The following MRPL42 variants were observed in gnomAD, a reference collection of about 807,000 sequenced individuals.
The protein encoded by MRPL42 is mitochondrial ribosomal protein L42.
A neutral mutation model predicts 17.9 loss-of-function variants in MRPL42; 17 were observed. That is an observed-to-expected ratio of 0.95 (90% CI 0.65 to 1.42). The LOEUF (loss-of-function observed/expected upper bound fraction) is 1.42, where lower values mean the gene tolerates loss of function less well. MRPL42 is among the 40% of genes most tolerant of loss of function. The pLI, the probability that MRPL42 is intolerant of heterozygous loss-of-function variation, is 0.00. For missense variants in MRPL42, 177 were observed against 175.2 expected, an observed-to-expected ratio of 1.01 and a Z score of -0.06; for synonymous variants, 59 against 54.4, an observed-to-expected ratio of 1.08 and a Z score of -0.37.
At position 93,507,063 on chromosome 12, in the gene MRPL42, A is replaced by G. The variant is rs1419422313; in HGVS notation, c.*5842A>G. 1 of 152,222 alleles carries G rather than the reference A, an allele frequency of 6.6e-6. No homozygotes were observed. The allele number at this position is 152,222 out of a possible 1,614,324, so 9.4% of individuals were successfully genotyped here. A position where few individuals can be genotyped will look rare whatever the true frequency, so the allele number is the denominator to read the frequency against. ...TAAACATTAAGGACATCTTATATGTATATTTATGCATATACATACTGATGA... is the reference window on the plus strand; with the variant it reads ...TAAACATTAAGGACATCTTATATGTGTATTTATGCATATACATACTGATGA... On this transcript the variant is annotated 3_prime_UTR_variant, in exon 6 of 6. Transcript: ENST00000549982.
chr12:93,469,070 A>G lies in MRPL42; in HGVS notation c.-94-122A>G, dbSNP rs552055019. 2.6e-4 allele frequency: 126 copies of G among 479,728 alleles called. 2 individuals are homozygous for G. The highest frequency in any genetic ancestry group is 2.4e-3 in the African/African-American group (119 of 49,636). The allele number at this position is 479,728 out of a possible 1,614,324, so 29.7% of individuals were successfully genotyped here. Reference sequence around the variant, plus strand: ...GTTGTTCAATCATGTGGAATTGCCAAGTTGTTTAAAAGCATTGCTTCAGTT... The same window carrying G: ...GTTGTTCAATCATGTGGAATTGCCAGGTTGTTTAAAAGCATTGCTTCAGTT... On this transcript the variant is annotated intron_variant, in intron 1 of 5. Transcript: ENST00000549982.
intron 4 of MRPL42, among the ~76,000 whole-genome samples, chr12:93,486,869 G>A (rs538236477): frequency 4.0e-5 from 6 of 150,052 alleles, no homozygotes; most frequent in African/African-American, 1.5e-4. Context: ...TCGCTGTGTT[G>A]CCCAGGCTGG....
intron 5 of MRPL42, chr12:93,487,971 CT>C (rs35810496): frequency 0.59 from 106,383 of 179,250 alleles, 28,775 homozygotes; most frequent in Non-Finnish European, 0.62. Flanking sequence ...TAATTTTGTT[CT>C]TTTTTTTTTT....
chr12:93,479,590 G>T, intron 4 of MRPL42, 118 bp downstream of exon 4: 5 of 494,134 alleles, frequency 1.0e-5, no homozygotes, highest in Non-Finnish European at 1.3e-5. Flanking sequence ...TTTTCTTTTG[G>T]CTTTTTAATT....
chr12:93,476,419 T>G (rs1179096118), intron 2 of MRPL42, among the ~76,000 whole-genome samples: 2 of 152,208 alleles, frequency 1.3e-5, no homozygotes, highest in African/African-American at 2.4e-5. Flanking sequence ...TCTGCCCACC[T>G]TGGCCTCCCA....
rs1292083283 is a variant in MRPL42 at position 93,501,109 on chromosome 12, G to T, written c.384-67G>T. 1.3e-5 allele frequency: 16 copies of T among 1,247,804 alleles called. No individual in the cohort carries two copies. In the East Asian group the frequency reaches 4.0e-4, roughly 31 times the overall value. 77.3% of individuals were successfully genotyped at this position (1,247,804 alleles called of 1,614,324 possible). On this transcript the variant is annotated intron_variant, in intron 5 of 5. Transcript: ENST00000549982. Reference sequence around the variant, plus strand: ...TTCCAATAGCAAAATAATCATAGAAGTTAGATTTTTATCAGGAATAATTTT... The same window carrying T: ...TTCCAATAGCAAAATAATCATAGAATTTAGATTTTTATCAGGAATAATTTT...
chr12:93,499,617 A>G (rs897800823), intron 5 of MRPL42, among the ~76,000 whole-genome samples: 1 of 152,134 alleles, frequency 6.6e-6, no homozygotes, highest in Non-Finnish European at 1.5e-5. Flanking sequence ...TTAGAAAAAA[A>G]CAGAATTTTC....
chr12:93,485,161 CTT>C (rs530566195), intron 4 of MRPL42, among the ~76,000 whole-genome samples: 43 of 130,852 alleles, frequency 3.3e-4, no homozygotes, highest in Admixed American at 5.5e-4. Flanking sequence ...CCCACATTGC[CTT>C]TTTTTTTTTT....
intron 2 of MRPL42, among the ~76,000 whole-genome samples, chr12:93,472,238 C>T (rs570686545): frequency 1.3e-5 from 2 of 152,276 alleles, no homozygotes; most frequent in South Asian, 4.1e-4. Context: ...TACTCAGTGA[C>T]CTAACTTCTT....
intron 5 of MRPL42, among the ~76,000 whole-genome samples, chr12:93,489,446 T>C (rs998761443): frequency 5.3e-5 from 8 of 152,300 alleles, no homozygotes; most frequent in African/African-American, 1.9e-4. Context: ...AGGAAAAATA[T>C]TGATTTTTTG....
intron 4 of MRPL42, among the ~76,000 whole-genome samples, chr12:93,485,027 T>TATATATAA (rs1396242113): frequency 1.1e-5 from 1 of 92,120 alleles, no homozygotes; most frequent in Non-Finnish European, 2.4e-5. Context: ...TATATATATA[T>TATATATAA]AAACAGAGAT....
chr12:93,491,628 T>G (rs11833074), intron 5 of MRPL42, among the ~76,000 whole-genome samples: 101,967 of 151,964 alleles, frequency 0.67, 34,449 homozygotes, highest in Middle Eastern at 0.72. Context: ...GGATTTTTTT[T>G]TTGTTGTTTT....
At position 93,514,014 on chromosome 12, in the gene MRPL42, C is replaced by A. The variant is rs552917484; in HGVS notation, c.*12793C>A. ...TACAGGTGCCCACCACCACACCCGG[C>A]TAATTTTTGTATTTTTAGTAGAGAC... On this transcript the variant is annotated 3_prime_UTR_variant, in exon 6 of 6. Transcript: ENST00000549982. 1 of 152,240 alleles carries A rather than the reference C, an allele frequency of 6.6e-6. No individual in the cohort carries two copies. The highest frequency in any genetic ancestry group is 2.1e-4 in the South Asian group (1 of 4,818). 9.4% of individuals were successfully genotyped at this position (152,240 alleles called of 1,614,324 possible).
At position 93,513,598 on chromosome 12, in the gene MRPL42, A is replaced by G. The variant is rs991071210; in HGVS notation, c.*12377A>G. ...TCTTCAGTTATAATTGAAGAATGACAAAAAGTTGAGTTATAGAAATTATAT... is the reference window on the plus strand; with the variant it reads ...TCTTCAGTTATAATTGAAGAATGACGAAAAGTTGAGTTATAGAAATTATAT... On this transcript the variant is annotated 3_prime_UTR_variant, in exon 6 of 6. Transcript: ENST00000549982. 6.6e-6 allele frequency: 1 copy of G among 152,200 alleles called. No individual in the cohort carries two copies. Among genetic ancestry groups the G allele is most frequent in the Non-Finnish European group, 1.5e-5 (1 of 68,028 alleles). 9.4% of individuals were successfully genotyped at this position (152,200 alleles called of 1,614,324 possible). A position where few individuals can be genotyped will look rare whatever the true frequency, so the allele number is the denominator to read the frequency against.
intron 5 of MRPL42, among the ~76,000 whole-genome samples, chr12:93,496,862 G>A (rs1953516451): frequency 6.6e-6 from 1 of 151,938 alleles, no homozygotes; most frequent in South Asian, 2.1e-4. Context: ...CCCCAGCCTG[G>A]AGTGCAATGG....
chr12:93,487,655 T>A lies in MRPL42; in HGVS notation c.378T>A (p.His126Gln). 1.2e-6 allele frequency: 2 copies of A among 1,603,728 alleles called. No individual in the cohort carries two copies. The highest frequency in any genetic ancestry group is 1.1e-5 in the South Asian group (1 of 89,194). ...FFTTKHRWYP[H>Q]GRYHRCRKNL... ...CTACTAAGCACCGTTGGTATCCTCA[T>A]GGACGGTAAGTTTTCTTTTCTTTTC... is the stretch of plus-strand genomic sequence containing the variant. The change falls in exon 5 of 6, where the codon CAT (histidine) becomes CAA (glutamine). Residue 126 changes from histidine (H) to glutamine (Q), a missense_variant. Coordinates refer to ENST00000549982, the MANE Select transcript of MRPL42 (RefSeq NM_014050.4).
chr12:93,477,694 G>C (rs940669932), intron 3 of MRPL42, among the ~76,000 whole-genome samples: 3 of 151,990 alleles, frequency 2.0e-5, no homozygotes, highest in Admixed American at 2.0e-4. Flanking sequence ...ATGGGGTCTT[G>C]TTCTGTCACC....
chr12:93,488,592 A>C (rs529494846), intron 5 of MRPL42: 108 of 280,264 alleles, frequency 3.9e-4, no homozygotes, highest in Admixed American at 6.8e-4. Flanking sequence ...TCAGCCCTTT[A>C]TCAATTTCTT....
In MRPL42 at chr12:93,513,124, A is replaced by G. The variant is rs1040386085; in HGVS notation, c.*11903A>G. On this transcript the variant is annotated 3_prime_UTR_variant, in exon 6 of 6. Coordinates refer to ENST00000549982, the MANE Select transcript of MRPL42 (RefSeq NM_014050.4). ...ATCCATGAAAGTAGTAGTATTGTCAATCTACCCTGGATTACATATTTTAAC... is the reference window on the plus strand; with the variant it reads ...ATCCATGAAAGTAGTAGTATTGTCAGTCTACCCTGGATTACATATTTTAAC... The G allele has an allele frequency of 4.6e-5, 7 of 151,846 alleles. No individual in the cohort carries two copies. The highest frequency in any genetic ancestry group is 1.2e-4 in the African/African-American group (5 of 41,302). 9.4% of individuals were successfully genotyped at this position (151,846 alleles called of 1,614,324 possible). A position where few individuals can be genotyped will look rare whatever the true frequency, so the allele number is the denominator to read the frequency against.
Sources: gnomAD v4.1 joint callset for allele counts (sites outside exome capture counted in the v4.1 genomes callset) on GRCh38, gnomAD v4.1.1 for gene constraint, MANE v1.5 for transcripts, NCBI Gene and HGNC (gene_info 2026-07-23, HGNC 2026-07-21) for gene names.